SPICE1: variants seen among roughly 807,000 people sequenced by gnomAD.
SPICE1 encodes spindle and centriole associated protein 1.
Under a neutral mutation model 102.7 loss-of-function variants are expected in SPICE1, and 75 were observed. That is an observed-to-expected ratio of 0.73 (90% CI 0.61 to 0.88). The LOEUF is 0.88. Among genes scored for constraint, SPICE1 ranks in the 40% least tolerant of loss-of-function variants. The probability of loss-of-function intolerance (pLI) is 0.00; values close to 1 mark genes in which losing one functional copy is unlikely to be tolerated. For missense variants in SPICE1, 979 were observed against 1,020.1 expected, an observed-to-expected ratio of 0.96 and a Z score of 0.55; for synonymous variants, 308 against 350.3, an observed-to-expected ratio of 0.88 and a Z score of 1.35.
chr3:113,514,962 T>TG lies in SPICE1; in HGVS notation c.-67dup. 3.6e-6 allele frequency: 3 copies of TG among 827,724 alleles called. No homozygotes were observed. Among genetic ancestry groups the TG allele is most frequent in the East Asian group, 7.3e-5 (1 of 13,694 alleles). The allele number at this position is 827,724 out of a possible 1,614,324, so 51.3% of individuals were successfully genotyped here. On this transcript the variant is annotated 5_prime_UTR_variant, in exon 1 of 18. Transcript: ENST00000295872. ...AGTAAGGATTCCCCAACCGGGCGCC[T>TG]GGATCCCAGGCAACAGACAGATGCC...
rs1161257875 is a variant in SPICE1, at chr3:113,443,639, C to T, written c.*1668G>A. 1 of 152,182 alleles carries T rather than the reference C, an allele frequency of 6.6e-6. No individual in the cohort carries two copies. Among genetic ancestry groups the T allele is most frequent in the Non-Finnish European group, 1.5e-5 (1 of 68,034 alleles). 9.4% of individuals were successfully genotyped at this position (152,182 alleles called of 1,614,324 possible). ...TTATTATTATGCTGCTTCCATACTA[C>T]ACACACTGTAAAACAGGTTTACTCT... On this transcript the variant is annotated 3_prime_UTR_variant, in exon 18 of 18. Coordinates refer to ENST00000295872, the MANE Select transcript of SPICE1 (RefSeq NM_144718.4).
intron 6 of SPICE1, among the ~76,000 whole-genome samples, chr3:113,489,712 T>C (rs1372320330): frequency 6.6e-6 from 1 of 151,980 alleles, no homozygotes; most frequent in Non-Finnish European, 1.5e-5. Context: ...CCAGGTGAGG[T>C]AGCCCACACC....
intron 7 of SPICE1, among the ~76,000 whole-genome samples, chr3:113,471,820 C>T (rs1576631237): frequency 1.3e-5 from 2 of 152,112 alleles, no homozygotes; most frequent in South Asian, 2.1e-4. Context: ...CCAAGGTGGC[C>T]GAATAGGAAC....
At chr3:113,514,483 C>A (rs901045860) in intron 1 of SPICE1, 2 of 375,804 alleles carry the variant, frequency 5.3e-6, no homozygotes, top group Admixed American at 3.3e-5. Context: ...ACCCTCTCCC[C>A]CATATGGCCC....
At chr3:113,508,278 GA>G (rs907965597) in intron 1 of SPICE1, among the ~76,000 whole-genome samples, 8 of 152,020 alleles carry the variant, frequency 5.3e-5, no homozygotes, top group African/African-American at 1.9e-4. Context: ...AAATAAATTG[GA>G]CGTAATCAAA....
At chr3:113,450,579 A>ATTTT in intron 14 of SPICE1, 63 bp from the exon 15 acceptor site, 3 of 1,215,992 alleles carry the variant, frequency 2.5e-6, no homozygotes, top group South Asian at 1.7e-5. Flanking sequence ...CTCTCCCACG[A>ATTTT]TTTTTTTTTT....
intron 7 of SPICE1, among the ~76,000 whole-genome samples, chr3:113,483,458 G>A (rs566982036): frequency 3.6e-4 from 55 of 152,190 alleles, no homozygotes; most frequent in Non-Finnish European, 6.8e-4. Flanking sequence ...TAGGAGTTGT[G>A]AGAGAGGGCA....
chr3:113,450,637 C>CAT, intron 14 of SPICE1, 121 bp from the exon 15 acceptor site: 3 of 994,414 alleles, frequency 3.0e-6, no homozygotes, highest in Non-Finnish European at 2.8e-6. Flanking sequence ...AGTGCAGTGG[C>CAT]GCTATCTCGG....
intron 17 of SPICE1, among the ~76,000 whole-genome samples, chr3:113,445,610 C>T (rs930265561): frequency 6.6e-6 from 1 of 152,082 alleles, no homozygotes; most frequent in Non-Finnish European, 1.5e-5. Context: ...TGTTTTATAG[C>T]TATCATAGGC....
chr3:113,463,876 G>C (rs1336790551), intron 11 of SPICE1, among the ~76,000 whole-genome samples: 1 of 152,130 alleles, frequency 6.6e-6, no homozygotes, highest in East Asian at 1.9e-4. Flanking sequence ...AGACCATCCT[G>C]GCTAACACGG....
rs554508467 is a variant in SPICE1 at position 113,473,254 on chromosome 3, C to T, written c.612-4016G>A. Among the ~76,000 whole-genome samples, 1,316 of 152,086 alleles carry T rather than the reference C, an allele frequency of 8.7e-3. 13 individuals are homozygous for T. The highest frequency in any genetic ancestry group is 0.028 in the African/African-American group (1,149 of 41,480). Reference sequence around the variant, plus strand: ...TTACAGAAAAAAGAATAAAAAGAAACGAACAAAGCCTCCAAGAAATATGGG... The same window carrying T: ...TTACAGAAAAAAGAATAAAAAGAAATGAACAAAGCCTCCAAGAAATATGGG... On this transcript the variant is annotated intron_variant, in intron 7 of 17. Transcript: ENST00000295872.
rs759596737 is a variant in SPICE1, at chr3:113,453,655, T to C, written c.1953A>G (p.Gly651=). Residue 651 remains glycine, a synonymous_variant, in exon 14 of 18, where the codon GGA becomes GGG. Coordinates refer to ENST00000295872, the MANE Select transcript of SPICE1 (RefSeq NM_144718.4). ...PTFSEELPVL[G]DGQQLRTNES... is the part of the protein sequence containing the mutation. ...CATTTGTTCTCAGCTGCTGCCCATC[T>C]CCCAGTACTGGGAGCTCTTCTGAGA... 3.7e-6 allele frequency: 6 copies of C among 1,614,064 alleles called. No homozygotes were observed. In the African/African-American group the frequency reaches 8.0e-5, roughly 22 times the overall value.
At chr3:113,463,299 G>A (rs1182883489) in intron 11 of SPICE1, among the ~76,000 whole-genome samples, 1 of 152,138 alleles carries the variant, frequency 6.6e-6, no homozygotes, top group Non-Finnish European at 1.5e-5. Context: ...AGCTCCATGA[G>A]GGCAAAGTTT....
intron 1 of SPICE1, chr3:113,514,562 C>T: frequency 2.3e-6 from 1 of 434,704 alleles, no homozygotes; most frequent in South Asian, 1.6e-5. Flanking sequence ...TCGCCTCACA[C>T]ACAGTTGCAA....
At chr3:113,491,369 C>T (rs371279012) in intron 6 of SPICE1, among the ~76,000 whole-genome samples, 187 of 152,110 alleles carry the variant, frequency 1.2e-3, no homozygotes, top group African/African-American at 4.1e-3. Context: ...GCCTGTAATC[C>T]CAGCACTTTG....
chr3:113,512,601 G>C (rs1199780573), intron 1 of SPICE1, among the ~76,000 whole-genome samples: 1 of 151,922 alleles, frequency 6.6e-6, no homozygotes, highest in African/African-American at 2.4e-5. Flanking sequence ...TAGAAACGGG[G>C]TTTCACCATG....
chr3:113,486,286 A>G (rs1001198183), intron 7 of SPICE1, among the ~76,000 whole-genome samples: 8 of 149,812 alleles, frequency 5.3e-5, no homozygotes, highest in African/African-American at 1.5e-4. Context: ...ATCACAATTA[A>G]AAGAACTAGA....
rs143757797 is a variant in SPICE1 at position 113,469,229 on chromosome 3, T to G, written c.621A>C (p.Gln207His). The change falls in exon 8 of 18, where the codon CAA (glutamine) becomes CAC (histidine). Residue 207 changes from glutamine (Q) to histidine (H), a missense_variant. Gln to His is a conservative substitution (Grantham distance 24, BLOSUM62 0). Coordinates refer to ENST00000295872, the MANE Select transcript of SPICE1 (RefSeq NM_144718.4). ...ACTCAAAATTCTCTTCTGTTAGTTGTTGGAGAAACCTATAAATTACAGGAC... is the reference window on the plus strand; with the variant it reads ...ACTCAAAATTCTCTTCTGTTAGTTGGTGGAGAAACCTATAAATTACAGGAC... Reference protein sequence around the residue: ...QSNTNTDRFLQQLTEENFELI... With the variant: ...QSNTNTDRFLHQLTEENFELI... 12 of 1,567,464 alleles carry G rather than the reference T, an allele frequency of 7.7e-6. No individual in the cohort carries two copies. The highest frequency in any genetic ancestry group is 1.0e-5 in the Non-Finnish European group (12 of 1,155,244).
At chr3:113,473,947 A>C (rs1416453196) in intron 7 of SPICE1, among the ~76,000 whole-genome samples, 2 of 152,176 alleles carry the variant, frequency 1.3e-5, no homozygotes, top group African/African-American at 4.8e-5. Context: ...TATTAACTTT[A>C]AATGTAAACG....
Sources: gnomAD v4.1 joint callset for allele counts (sites outside exome capture counted in the v4.1 genomes callset) on GRCh38, gnomAD v4.1.1 for gene constraint, MANE v1.5 for transcripts, NCBI Gene and HGNC (gene_info 2026-07-23, HGNC 2026-07-21) for gene names.